The following EPHA5 variants were observed in gnomAD, a reference collection of about 807,000 sequenced individuals.
EPHA5 encodes the protein ephrin type-A receptor 5.
In EPHA5, 60 loss-of-function variants were observed where a neutral mutation model predicts 105.0. That is an observed-to-expected ratio of 0.57 (90% CI 0.46 to 0.71). The LOEUF is 0.71. Among genes scored for constraint, EPHA5 ranks in the 30% least tolerant of loss-of-function variants. EPHA5 has a pLI of 0.00. For synonymous variants in EPHA5, 513 were observed against 449.1 expected (o/e 1.14, Z -1.80); for missense variants, 1,218 against 1,274.7 (o/e 0.96, Z 0.68).
At chr4:65,595,053 A>C (rs915516241) in intron 3 of EPHA5, among the ~76,000 whole-genome samples, 1 of 151,728 alleles carries the variant, frequency 6.6e-6, no homozygotes, top group Non-Finnish European at 1.5e-5. Context: ...ATTAAAATAG[A>C]TTTCTGCACT....
chr4:65,329,837 A>G (rs1720424571), intron 16 of EPHA5, among the ~76,000 whole-genome samples: 1 of 148,114 alleles, frequency 6.8e-6, no homozygotes, highest in Non-Finnish European at 1.5e-5. Context: ...GAAGAAGAGT[A>G]GGCAAAATGA....
rs575608289 is a variant in EPHA5, at chr4:65,418,862, C to CTTTTTTTTTTT, written c.1527+1568_1527+1578dup. ...AACATTCAATACACTTACCTAAACT[C>CTTTTTTTTTTT]TTTTTTTTTTTTTTTTTTTTTTTTT... On this transcript the variant is annotated intron_variant, in intron 6 of 16. Transcript: ENST00000613740. Among the ~76,000 whole-genome samples, 171 of 47,070 alleles carry CTTTTTTTTTTT rather than the reference C, an allele frequency of 3.6e-3. 19 individuals are homozygous for CTTTTTTTTTTT. Among genetic ancestry groups the CTTTTTTTTTTT allele is most frequent in the Non-Finnish European group, 3.8e-3 (107 of 28,350 alleles). 30.9% of individuals were successfully genotyped at this position (47,070 alleles called of 152,430 possible).
intron 9 of EPHA5, 28 bp downstream of exon 9, chr4:65,367,329 C>T (rs765017959): frequency 6.4e-7 from 1 of 1,572,158 alleles, no homozygotes; most frequent in East Asian, 2.3e-5. Context: ...CTATTTTATT[C>T]TATTTTTATT....
intron 5 of EPHA5, among the ~76,000 whole-genome samples, chr4:65,441,930 G>A (rs1225268368): frequency 2.0e-5 from 3 of 152,012 alleles, no homozygotes; most frequent in East Asian, 1.9e-4. Flanking sequence ...TTTATAGAGC[G>A]TTCACCATGT....
At chr4:65,355,019 GC>G (rs1157955865) in intron 11 of EPHA5, among the ~76,000 whole-genome samples, 1 of 151,750 alleles carries the variant, frequency 6.6e-6, no homozygotes, top group Non-Finnish European at 1.5e-5. Flanking sequence ...GTTTGTAGAT[GC>G]CTATGTTAGG....
chr4:65,629,321 T>G (rs1399133276), intron 2 of EPHA5, among the ~76,000 whole-genome samples: 1 of 152,198 alleles, frequency 6.6e-6, no homozygotes. Flanking sequence ...TAGGATGTTA[T>G]TAGTTTTTTG....
At chr4:65,583,111 T>A (rs533246098) in intron 3 of EPHA5, among the ~76,000 whole-genome samples, 1 of 151,760 alleles carries the variant, frequency 6.6e-6, no homozygotes, top group South Asian at 2.1e-4. Flanking sequence ...ATGTTTAAGG[T>A]ATAAGCCAGG....
chr4:65,620,350 C>T (rs970657199), intron 2 of EPHA5, among the ~76,000 whole-genome samples: 1 of 151,946 alleles, frequency 6.6e-6, no homozygotes, highest in Non-Finnish European at 1.5e-5. Context: ...TTGCGATGCA[C>T]ACTGTTTCTA....
At position 65,354,354 on chromosome 4, in the gene EPHA5, C is replaced by T. The variant is rs114668724; in HGVS notation, c.2174-1251G>A. ...TGTCTGTAATACAAGATGAAAATTG[C>T]AAGATAAAAAATTATTGCTATATGA... is the stretch of plus-strand genomic sequence containing the variant. On this transcript the variant is annotated intron_variant, in intron 11 of 16. Coordinates refer to ENST00000613740, the MANE Select transcript of EPHA5 (RefSeq NM_001281766.3). Among the ~76,000 whole-genome samples the T allele has an allele frequency of 5.0e-3, 764 of 151,642 alleles. 8 individuals are homozygous for T. The highest frequency in any genetic ancestry group is 0.017 in the African/African-American group (720 of 41,420).
chr4:65,455,266 A>C (rs1237941805), intron 5 of EPHA5, among the ~76,000 whole-genome samples: 3 of 152,028 alleles, frequency 2.0e-5, no homozygotes, highest in African/African-American at 7.2e-5. Context: ...AAAATAAATA[A>C]ATAAAAATAC....
At chr4:65,428,536 A>G (rs1183815498) in intron 5 of EPHA5, among the ~76,000 whole-genome samples, 3 of 152,112 alleles carry the variant, frequency 2.0e-5, no homozygotes, top group East Asian at 1.9e-4. Flanking sequence ...CTGCAACTGG[A>G]TCTTTTGATA....
At chr4:65,509,090 A>G (rs1322967530) in intron 3 of EPHA5, among the ~76,000 whole-genome samples, 5 of 152,230 alleles carry the variant, frequency 3.3e-5, no homozygotes, top group Admixed American at 1.3e-4. Context: ...TGGTAAAAGC[A>G]GTCATTGATT....
intron 5 of EPHA5, among the ~76,000 whole-genome samples, chr4:65,441,614 G>T (rs1318680061): frequency 6.6e-6 from 1 of 151,936 alleles, no homozygotes; most frequent in Non-Finnish European, 1.5e-5. Flanking sequence ...TGACCTAGAA[G>T]AACAAATTAT....
intron 16 of EPHA5, among the ~76,000 whole-genome samples, chr4:65,330,232 C>A (rs996325961): frequency 6.6e-6 from 1 of 150,912 alleles, no homozygotes; most frequent in African/African-American, 2.4e-5. Context: ...TAGCAAGAGG[C>A]CATAAGCTGG....
intron 8 of EPHA5, among the ~76,000 whole-genome samples, chr4:65,399,294 G>A (rs1378934392): frequency 6.6e-6 from 1 of 152,224 alleles, no homozygotes; most frequent in African/African-American, 2.4e-5. Context: ...CAGGAAGCGT[G>A]CCAGGCTGTG....
intron 5 of EPHA5, among the ~76,000 whole-genome samples, chr4:65,479,765 T>C (rs1022873345): frequency 2.8e-4 from 42 of 152,248 alleles, no homozygotes; most frequent in African/African-American, 8.9e-4. Context: ...CATGTATGGA[T>C]TTATAAAACA....
intron 1 of EPHA5, among the ~76,000 whole-genome samples, chr4:65,652,812 C>T (rs775052843): frequency 7.9e-5 from 12 of 152,038 alleles, no homozygotes; most frequent in Non-Finnish European, 1.6e-4. Context: ...GGAAAAATCA[C>T]ATTTTCTAAT....
At chr4:65,345,107 A>G (rs1387431496) in intron 14 of EPHA5, among the ~76,000 whole-genome samples, 1 of 152,192 alleles carries the variant, frequency 6.6e-6, no homozygotes, top group Non-Finnish European at 1.5e-5. Context: ...ATATAAGTAT[A>G]AATATATGTA....
At chr4:65,529,842 A>G (rs563181090) in intron 3 of EPHA5, among the ~76,000 whole-genome samples, 1 of 152,260 alleles carries the variant, frequency 6.6e-6, no homozygotes, top group South Asian at 2.1e-4. Flanking sequence ...CCATTCTTAC[A>G]AAGTTCTGGT....
Sources: allele counts gnomAD v4.1 joint callset (sites outside exome capture counted in the v4.1 genomes callset), GRCh38; gene constraint gnomAD v4.1.1; transcripts MANE v1.5; gene names NCBI Gene and HGNC (gene_info 2026-07-23, HGNC 2026-07-21).